The following C5 variants were observed in gnomAD, a reference collection of about 807,000 sequenced individuals.
C5 encodes C3 and PZP-like alpha-2-macroglobulin domain-containing protein 4.
Under a neutral mutation model 218.8 loss-of-function variants are expected in C5, and 140 were observed. The ratio of observed to expected loss-of-function variants is 0.64; its 90% confidence interval spans 0.56 to 0.74. The LOEUF is 0.74. C5 is among the 30% of genes least tolerant of loss of function. The pLI is 0.00. For missense variants in C5, 1,700 were observed against 1,969.6 expected, an observed-to-expected ratio of 0.86 and a Z score of 2.59; for synonymous variants, 614 against 682.3, an observed-to-expected ratio of 0.90 and a Z score of 1.56.
At chr9:120,961,058 G>A (rs1564131343) in intron 37 of C5, among the ~76,000 whole-genome samples, 1 of 152,146 alleles carries the variant, frequency 6.6e-6, no homozygotes, top group Non-Finnish European at 1.5e-5. Flanking sequence ...CTTTTCCTTG[G>A]CCAAGAAGGC....
Position 120,980,134 on chromosome 9 carries a change from G to A in C5, c.3607C>T (p.Pro1203Ser). Reference sequence around the variant, plus strand: ...GCTGAAACAATTGAACGAAACTGTGGGTGAGTTTTATCTCCCAGGGAAAGA... The same window carrying A: ...GCTGAAACAATTGAACGAAACTGTGAGTGAGTTTTATCTCCCAGGGAAAGA... ...YALSLGDKTH[P>S]QFRSIVSALK... The change falls in exon 28 of 41, where the codon CCA becomes TCA. Residue 1203 changes from proline (P) to serine (S), a missense_variant. Coordinates refer to ENST00000223642, the MANE Select transcript of C5 (RefSeq NM_001735.3). The A allele has an allele frequency of 6.2e-7, 1 of 1,614,058 alleles. No individual in the cohort carries two copies. Among genetic ancestry groups the A allele is most frequent in the Non-Finnish European group, 8.5e-7 (1 of 1,179,998 alleles).
At chr9:120,956,926 T>G (rs2046788983) in intron 39 of C5, 2 of 328,608 alleles carry the variant, frequency 6.1e-6, no homozygotes, top group South Asian at 5.2e-5. Flanking sequence ...GTACTATGCT[T>G]ATTACCTGGG....
chr9:120,997,582 C>T lies in C5; in HGVS notation c.2755G>A (p.Gly919Arg). 1 of 1,613,812 alleles carries T rather than the reference C, an allele frequency of 6.2e-7. No homozygotes were observed. Among genetic ancestry groups the T allele is most frequent in the Non-Finnish European group, 8.5e-7 (1 of 1,179,918 alleles). Residue 919 changes from glycine (G) to arginine (R), a missense_variant, in exon 21 of 41, where the codon GGA (glycine) becomes AGA (arginine). Coordinates refer to ENST00000223642, the MANE Select transcript of C5 (RefSeq NM_001735.3). ...AATGTTTTTACTAAGATTTCTTTTC[C>T]AAACCAAGTCTCCAGTGAAAAATTG... is the stretch of plus-strand genomic sequence containing the variant. The part of the protein sequence containing the change: ...NINFSLETWF[G>R]KEILVKTLRV...
intron 25 of C5, among the ~76,000 whole-genome samples, chr9:120,985,329 G>A (rs2047025249): frequency 6.6e-6 from 1 of 152,132 alleles, no homozygotes; most frequent in African/African-American, 2.4e-5. Context: ...TTTTACAGTA[G>A]GGTCTGGGAC....
At chr9:121,010,036 C>A (rs1397715038) in intron 17 of C5, among the ~76,000 whole-genome samples, 1 of 152,232 alleles carries the variant, frequency 6.6e-6, no homozygotes, top group East Asian at 1.9e-4. Flanking sequence ...CCACCATGGG[C>A]TGGAGTGCTC....
In C5 at chr9:121,032,164, T is replaced by C. The variant is rs765921941; in HGVS notation, c.616A>G (p.Lys206Glu). 3 of 1,607,712 alleles carry C rather than the reference T, an allele frequency of 1.9e-6. No individual in the cohort carries two copies. The highest frequency in any genetic ancestry group is 2.6e-6 in the Non-Finnish European group (3 of 1,174,292). The change falls in exon 6 of 41, where the codon AAA (lysine) becomes GAA (glutamate). Residue 206 changes from lysine (K) to glutamate (E), a missense_variant. Physicochemically the swap from Lys to Glu is moderately conservative, Grantham distance 56. Coordinates refer to ENST00000223642, the MANE Select transcript of C5 (RefSeq NM_001735.3). ...GTTCCAGTTGTTGAAAAGTCCTCTT[T>C]ATATTTAGCCTTGATCGTCCACATA... The part of the protein sequence containing the change: ...YGMWTIKAKY[K>E]EDFSTTGTAY...
chr9:121,057,325 T>C, the C5 span, among the ~76,000 whole-genome samples: 77,978 of 151,926 alleles, frequency 0.51, 22,455 homozygotes, highest in South Asian at 0.8. Context: ...TACAGAATAA[T>C]GTAACACTGT....
rs62640871 is a variant in C5 at position 121,025,533 on chromosome 9, G to C, written c.921C>G (p.Val307=). 2.5e-4 allele frequency: 401 copies of C among 1,612,176 alleles called. 3 individuals carry two copies. The African/African-American group carries it at 4.2e-3, about 17-fold the overall frequency. Residue 307 remains valine (V), a synonymous_variant, in exon 9 of 41, where the codon GTC becomes GTG. Transcript: ENST00000223642. ...CTAAACTGTAGTATGACAGTTCTTT[G>C]ACTGCTGTTTCAGAATCAAATGTGA... ...AQVTFDSETA[V]KELSYYSLED...
At chr9:120,984,208 T>C (rs907164602) in intron 25 of C5, among the ~76,000 whole-genome samples, 3 of 20,892 alleles carry the variant, frequency 1.4e-4, no homozygotes. Flanking sequence ...TTTTAAAGAT[T>C]TTTTTTTTGA....
chr9:120,975,256 C>G (rs1259710267), intron 29 of C5, among the ~76,000 whole-genome samples: 1 of 152,304 alleles, frequency 6.6e-6, no homozygotes, highest in East Asian at 1.9e-4. Flanking sequence ...ATCCTTTAGT[C>G]TGACCTTAAG....
Position 121,017,349 on chromosome 9 carries a change from T to G in C5, c.1866+13A>C, listed in dbSNP as rs2047316201. 1.2e-6 allele frequency: 2 copies of G among 1,613,466 alleles called. No individual in the cohort carries two copies. Among genetic ancestry groups the G allele is most frequent in the Non-Finnish European group, 1.7e-6 (2 of 1,179,782 alleles). ...CTTCATGCAACACTGCAGCGAGACA[T>G]GCATTACTTAACTCTTTCCAAGGGC... On this transcript the variant is annotated intron_variant, in intron 14 of 40. Coordinates refer to ENST00000223642, the MANE Select transcript of C5 (RefSeq NM_001735.3).
Position 120,970,237 on chromosome 9 carries a change from A to G in C5, c.4095T>C (p.Val1365=). 6.2e-7 allele frequency: 1 copy of G among 1,611,792 alleles called. No homozygotes were observed. The highest frequency in any genetic ancestry group is 8.5e-7 in the Non-Finnish European group (1 of 1,178,002). Residue 1365 remains valine, a synonymous_variant, in exon 32 of 41, where the codon GTT becomes GTC. Coordinates refer to ENST00000223642, the MANE Select transcript of C5 (RefSeq NM_001735.3). The part of the protein sequence containing the change: ...GLATVHVTTV[V]HKTSTSEEVC... ...CTTCCTCAGAGGTACTGGTTTTGTGAACTACAGTTGTTACCTACATTGGGG... is the reference window on the plus strand; with the variant it reads ...CTTCCTCAGAGGTACTGGTTTTGTGGACTACAGTTGTTACCTACATTGGGG...
chr9:121,018,583 AAGG>A, intron 12 of C5, among the ~76,000 whole-genome samples: 1 of 13,354 alleles, frequency 7.5e-5, no homozygotes, highest in Non-Finnish European at 2.5e-4. Flanking sequence ...AAAAGAAAGG[AAGG>A]AAGGAAGGAA....
At chr9:121,044,823 T>C (rs2047612478) in intron 2 of C5, among the ~76,000 whole-genome samples, 1 of 152,228 alleles carries the variant, frequency 6.6e-6, no homozygotes, top group Non-Finnish European at 1.5e-5. Context: ...ACACTTGAAA[T>C]GTTGCTAGTG....
Position 120,952,626 on chromosome 9 carries a change from G to T in C5, c.*113C>A. The T allele has an allele frequency of 1.9e-6, 2 of 1,046,580 alleles. No homozygotes were observed. The highest frequency in any genetic ancestry group is 1.4e-6 in the Non-Finnish European group (1 of 699,372). 64.8% of individuals were successfully genotyped at this position (1,046,580 alleles called of 1,614,324 possible). ...GTGCCACTAATTCTAAGTAAAGTGA[G>T]CTTTACAAATAAGACCAGCTATGAA... On this transcript the variant is annotated 3_prime_UTR_variant, in exon 41 of 41. Coordinates refer to ENST00000223642, the MANE Select transcript of C5 (RefSeq NM_001735.3).
At chr9:121,031,967 G>A in intron 6 of C5, 146 bp downstream of exon 6, 1 of 532,542 alleles carries the variant, frequency 1.9e-6, no homozygotes, top group Non-Finnish European at 3.5e-6. Flanking sequence ...GGGATGCTGA[G>A]GCAGAGAATT....
chr9:121,063,826 GA>G, the C5 span, among the ~76,000 whole-genome samples: 1 of 152,128 alleles, frequency 6.6e-6, no homozygotes, highest in African/African-American at 2.4e-5. Context: ...AATAAGATAT[GA>G]TGGTCCCCAT....
At chr9:120,963,900 G>T (rs1472920749) in intron 33 of C5, among the ~76,000 whole-genome samples, 162 bp from the exon 34 acceptor site, 2 of 152,158 alleles carry the variant, frequency 1.3e-5, no homozygotes, top group Non-Finnish European at 2.9e-5. Context: ...AGTTGCAAGA[G>T]ATCTTTGAGT....
At chr9:120,955,854 C>A (rs2046780467) in intron 39 of C5, among the ~76,000 whole-genome samples, 1 of 151,746 alleles carries the variant, frequency 6.6e-6, no homozygotes, top group Non-Finnish European at 1.5e-5. Flanking sequence ...CCAGCCTGAA[C>A]AACATAGTGA....
Sources: gnomAD v4.1 joint callset for allele counts (sites outside exome capture counted in the v4.1 genomes callset) on GRCh38, gnomAD v4.1.1 for gene constraint, MANE v1.5 for transcripts, NCBI Gene and HGNC (gene_info 2026-07-23, HGNC 2026-07-21) for gene names.